The following RGS6 variants were observed in gnomAD, a reference collection of about 807,000 sequenced individuals.
RGS6 encodes the protein regulator of G protein signaling 6, also known as regulator of G-protein signaling 6.
A neutral mutation model predicts 78.5 loss-of-function variants in RGS6; 30 were observed. That is an observed-to-expected ratio of 0.38 (90% CI 0.29 to 0.52). The LOEUF is 0.52. RGS6 is among the 20% of genes least tolerant of loss of function. The pLI is 0.85. For missense variants in RGS6, 495 were observed against 609.7 expected, an observed-to-expected ratio of 0.81 and a Z score of 1.98; for synonymous variants, 206 against 206.0, an observed-to-expected ratio of 1.00 and a Z score of 0.00.
At chr14:72,218,767 A>G (rs1599735668) in intron 2 of RGS6, among the ~76,000 whole-genome samples, 2 of 152,160 alleles carry the variant, frequency 1.3e-5, no homozygotes, top group South Asian at 4.1e-4. Flanking sequence ...GCACACCACC[A>G]TGCCCAGCTA....
At chr14:72,498,959 T>C (rs928918635) in intron 13 of RGS6, among the ~76,000 whole-genome samples, 23 of 152,206 alleles carry the variant, frequency 1.5e-4, no homozygotes, top group Non-Finnish European at 2.8e-4. Context: ...CAAGAACAGA[T>C]TAAAAGATTG....
At chr14:72,620,516 C>T in the RGS6 span, among the ~76,000 whole-genome samples, 2 of 152,204 alleles carry the variant, frequency 1.3e-5, no homozygotes. Flanking sequence ...CCAGAAGCTT[C>T]CTCACTGTCT....
chr14:72,445,774 C>G (rs979678022), intron 3 of RGS6, among the ~76,000 whole-genome samples: 15 of 152,304 alleles, frequency 9.8e-5, no homozygotes, highest in Middle Eastern at 3.4e-3. Flanking sequence ...AGGGTCCCTG[C>G]TCTCTTGGAG....
At chr14:72,270,469 A>G (rs2059775910) in intron 2 of RGS6, among the ~76,000 whole-genome samples, 1 of 152,256 alleles carries the variant, frequency 6.6e-6, no homozygotes, top group South Asian at 2.1e-4. Flanking sequence ...TCACCTGAGG[A>G]CGTTGCTACA....
intron 15 of RGS6, among the ~76,000 whole-genome samples, chr14:72,521,358 A>G (rs1472313645): frequency 6.6e-6 from 1 of 152,226 alleles, no homozygotes; most frequent in Non-Finnish European, 1.5e-5. Flanking sequence ...GTGTGGAGGC[A>G]CCATAGTTTA....
At chr14:72,060,588 A>G (rs998328031) in intron 2 of RGS6, among the ~76,000 whole-genome samples, 3 of 152,150 alleles carry the variant, frequency 2.0e-5, no homozygotes, top group Non-Finnish European at 2.9e-5. Flanking sequence ...CTGAAGTTGA[A>G]ATCATCTGAG....
chr14:71,936,732 A>G (rs2089470774), intron 1 of RGS6, among the ~76,000 whole-genome samples: 1 of 152,254 alleles, frequency 6.6e-6, no homozygotes, highest in African/African-American at 2.4e-5. Context: ...GTCACATGAT[A>G]AAGGAAAAGG....
chr14:71,991,522 T>C (rs944218594), intron 2 of RGS6, among the ~76,000 whole-genome samples: 1 of 152,244 alleles, frequency 6.6e-6, no homozygotes, highest in Non-Finnish European at 1.5e-5. Flanking sequence ...TTTCTTCTTT[T>C]ATATTTTTTT....
chr14:72,055,967 T>G (rs2093599504), intron 2 of RGS6, among the ~76,000 whole-genome samples: 1 of 152,254 alleles, frequency 6.6e-6, no homozygotes, highest in Non-Finnish European at 1.5e-5. Flanking sequence ...TATTTTTTTC[T>G]TATAACTGTG....
intron 3 of RGS6, among the ~76,000 whole-genome samples, chr14:72,409,784 G>A (rs8018622): frequency 0.48 from 72,565 of 151,758 alleles, 17,940 homozygotes; most frequent in East Asian, 0.61. Flanking sequence ...TCATTGTTCA[G>A]TTCCCACCTG....
chr14:72,321,063 A>G (rs915563876), intron 2 of RGS6, among the ~76,000 whole-genome samples: 5 of 151,568 alleles, frequency 3.3e-5, no homozygotes, highest in Admixed American at 1.3e-4. Context: ...TATTAAACCA[A>G]TGTTTAGTGC....
chr14:72,361,690 G>T (rs1048653476), intron 3 of RGS6, among the ~76,000 whole-genome samples: 3 of 152,182 alleles, frequency 2.0e-5, no homozygotes, highest in Non-Finnish European at 2.9e-5. Flanking sequence ...AATCACTACT[G>T]GGGGAGTGTT....
At chr14:72,075,378 G>T (rs1247341469) in intron 2 of RGS6, among the ~76,000 whole-genome samples, 1 of 152,010 alleles carries the variant, frequency 6.6e-6, no homozygotes, top group Admixed American at 6.6e-5. Context: ...ATACGATACA[G>T]CCTTGCATTT....
chr14:72,237,372 A>G (rs1402454921), intron 2 of RGS6, among the ~76,000 whole-genome samples: 1 of 151,944 alleles, frequency 6.6e-6, no homozygotes, highest in Non-Finnish European at 1.5e-5. Flanking sequence ...CTCCTGGAAT[A>G]TGTAGTCTTA....
At chr14:72,520,835 C>T (rs1598643080) in intron 15 of RGS6, among the ~76,000 whole-genome samples, 1 of 152,350 alleles carries the variant, frequency 6.6e-6, no homozygotes, top group South Asian at 2.1e-4. Flanking sequence ...TGGGCCATCT[C>T]TGGCCAGTTG....
chr14:72,305,742 A>G (rs866050428), intron 2 of RGS6, among the ~76,000 whole-genome samples: 6 of 152,326 alleles, frequency 3.9e-5, no homozygotes, highest in African/African-American at 4.8e-5. Flanking sequence ...AATTAGACCA[A>G]TTCATAACCC....
chr14:72,316,139 C>T (rs956087083), intron 2 of RGS6, among the ~76,000 whole-genome samples: 1 of 152,194 alleles, frequency 6.6e-6, no homozygotes, highest in Non-Finnish European at 1.5e-5. Flanking sequence ...AGCAACCACC[C>T]TCTAACAATC....
chr14:72,516,025 C>A (rs1352491033), intron 14 of RGS6, among the ~76,000 whole-genome samples: 1 of 152,244 alleles, frequency 6.6e-6, no homozygotes, highest in Non-Finnish European at 1.5e-5. Context: ...CCCAGACGGC[C>A]TCCCTCTGTG....
At chr14:72,132,267 C>A (rs535587583) in intron 2 of RGS6, among the ~76,000 whole-genome samples, 31 of 149,256 alleles carry the variant, frequency 2.1e-4, no homozygotes, top group African/African-American at 6.8e-4. Context: ...TGTATGTATT[C>A]TTCTTCTTCT....
Sources: allele counts gnomAD v4.1 joint callset (sites outside exome capture counted in the v4.1 genomes callset), GRCh38; gene constraint gnomAD v4.1.1; transcripts MANE v1.5; gene names NCBI Gene and HGNC (gene_info 2026-07-23, HGNC 2026-07-21).